GLT1D1: variants seen among roughly 807,000 people sequenced by gnomAD.
GLT1D1 encodes glycosyltransferase 1 domain containing 1.
In GLT1D1, 21 loss-of-function variants were observed where a neutral mutation model predicts 28.7. The ratio of observed to expected loss-of-function variants is 0.73; its 90% CI spans 0.52 to 1.05. The LOEUF (loss-of-function observed/expected upper bound fraction) is 1.05. GLT1D1 is among the 50% of genes least tolerant of loss of function. GLT1D1 has a pLI of 0.00. For synonymous variants in GLT1D1, 147 were observed against 124.8 expected (o/e 1.18, Z -1.19); for missense variants, 343 against 330.6 (o/e 1.04, Z -0.29).
intron 4 of GLT1D1, among the ~76,000 whole-genome samples, chr12:128,917,099 G>A (rs1872179404): frequency 6.6e-6 from 1 of 151,982 alleles, no homozygotes; most frequent in Non-Finnish European, 1.5e-5. Context: ...TATTGGAAAT[G>A]TTTTTCTTTG....
chr12:128,878,558 A>T (rs1353022851), intron 2 of GLT1D1, among the ~76,000 whole-genome samples: 1 of 152,078 alleles, frequency 6.6e-6, no homozygotes, highest in Non-Finnish European at 1.5e-5. Context: ...TTCTGAAAGT[A>T]TTATTTCTAG....
intron 1 of GLT1D1, among the ~76,000 whole-genome samples, chr12:128,854,726 CCCTCAGGTGATCCGCCTG>C (rs1956170636): frequency 6.6e-6 from 1 of 151,946 alleles, no homozygotes; most frequent in Non-Finnish European, 1.5e-5. Flanking sequence ...CGAACTCCTG[CCCTCAGGTGATCCGCCTG>C]CCTCGGCCTC....
intron 1 of GLT1D1, among the ~76,000 whole-genome samples, chr12:128,872,602 G>A (rs752692630): frequency 3.3e-5 from 5 of 152,138 alleles, no homozygotes; most frequent in African/African-American, 9.7e-5. Flanking sequence ...CCAGAGACAC[G>A]CTCAGCCATT....
intron 4 of GLT1D1, among the ~76,000 whole-genome samples, chr12:128,902,620 C>G (rs1870407913): frequency 6.6e-6 from 1 of 151,684 alleles, no homozygotes; most frequent in South Asian, 2.1e-4. Context: ...TTAAAATACT[C>G]TTTCTTTTCC....
intron 4 of GLT1D1, among the ~76,000 whole-genome samples, chr12:128,924,550 G>A (rs1025735589): frequency 4.0e-5 from 6 of 151,734 alleles, no homozygotes; most frequent in Non-Finnish European, 8.8e-5. Flanking sequence ...TCCGCCTCCC[G>A]GGTTCAAGTG....
At chr12:128,894,313 G>T (rs2135841679) in intron 3 of GLT1D1, among the ~76,000 whole-genome samples, 1 of 152,254 alleles carries the variant, frequency 6.6e-6, no homozygotes, top group East Asian at 1.9e-4. Flanking sequence ...CTCGGGGCAG[G>T]CACAGACAGG....
intron 4 of GLT1D1, among the ~76,000 whole-genome samples, chr12:128,942,083 T>G (rs987791022): frequency 6.6e-6 from 1 of 151,394 alleles, no homozygotes; most frequent in African/African-American, 2.4e-5. Flanking sequence ...ACATGTGTCT[T>G]CTTTTTTTTT....
intron 7 of GLT1D1, among the ~76,000 whole-genome samples, chr12:128,975,731 T>C (rs1879708415): frequency 6.6e-6 from 1 of 152,238 alleles, no homozygotes; most frequent in South Asian, 2.1e-4. Context: ...AGATTACATG[T>C]GTGAGCCACA....
chr12:128,908,210 G>A (rs141864466), intron 4 of GLT1D1, among the ~76,000 whole-genome samples: 227 of 152,218 alleles, frequency 1.5e-3, no homozygotes, highest in African/African-American at 5.3e-3. Context: ...CGCCTGGCCG[G>A]ATTGTGTTAA....
At chr12:128,874,076 CTTTCTTTCTTTCTT>C (rs1383610952) in intron 1 of GLT1D1, among the ~76,000 whole-genome samples, 1 of 8,934 alleles carries the variant, frequency 1.1e-4, no homozygotes, top group Non-Finnish European at 1.9e-4. Flanking sequence ...TTCTTTCTTT[CTTTCTTTCTTTCTT>C]TCTTTCTTTC....
chr12:128,870,276 C>T (rs1956648933), intron 1 of GLT1D1, among the ~76,000 whole-genome samples: 1 of 151,970 alleles, frequency 6.6e-6, no homozygotes, highest in Non-Finnish European at 1.5e-5. Flanking sequence ...AAAACAACAA[C>T]AACAAAAAAA....
intron 4 of GLT1D1, among the ~76,000 whole-genome samples, chr12:128,901,631 T>A (rs1870281391): frequency 6.6e-6 from 1 of 151,884 alleles, no homozygotes; most frequent in African/African-American, 2.4e-5. Context: ...GAAACGGGGT[T>A]TCACCATGTT....
intron 4 of GLT1D1, chr12:128,944,289 C>A: frequency 1.5e-6 from 1 of 650,354 alleles, no homozygotes; most frequent in South Asian, 1.4e-5. Context: ...CTGAAGCTTC[C>A]TGGCTTGTTT....
At chr12:128,903,150 C>T (rs986038955) in intron 4 of GLT1D1, among the ~76,000 whole-genome samples, 1 of 151,742 alleles carries the variant, frequency 6.6e-6, no homozygotes, top group African/African-American at 2.4e-5. Context: ...CCTTGACCCT[C>T]CAGAATTGGC....
chr12:128,895,157 C>G (rs760504629), intron 3 of GLT1D1, among the ~76,000 whole-genome samples: 41 of 150,998 alleles, frequency 2.7e-4, no homozygotes, highest in Non-Finnish European at 2.9e-4. Flanking sequence ...AGTCCTGGTT[C>G]CTTTATAATT....
At position 128,876,034 on chromosome 12, in the gene GLT1D1, T is replaced by C. The variant is rs1415790339; in HGVS notation, c.189T>C (p.His63=). 1 of 1,613,786 alleles carries C rather than the reference T, an allele frequency of 6.2e-7. No individual in the cohort carries two copies. The highest frequency in any genetic ancestry group is 2.2e-5 in the East Asian group (1 of 44,872). Reference sequence around the variant, plus strand: ...ACTGCGAGGCTGCCCTGGCTCTTCATCTCTATAGGGGAGGCAGGCTTTTGC... The same window carrying C: ...ACTGCGAGGCTGCCCTGGCTCTTCACCTCTATAGGGGAGGCAGGCTTTTGC... The change falls in exon 2 of 8, where the codon CAT becomes CAC. Residue 63 remains histidine (H), a synonymous_variant. Transcript: ENST00000281703.
chr12:128,983,151 C>G lies in GLT1D1; in HGVS notation c.*61C>G. On this transcript the variant is annotated 3_prime_UTR_variant, in exon 8 of 8. Transcript: ENST00000281703. This position sits in a 1 kb window ranked among gnomAD's most constrained non-coding sequence, Gnocchi z 4.7. ...ACAGCTCTGGGTGCACACTCAGAGA[C>G]AGAGTTCTGGATCACGTGGGCCCAG... is the stretch of plus-strand genomic sequence containing the variant. The G allele has an allele frequency of 6.7e-7, 1 of 1,485,304 alleles. No individual in the cohort carries two copies. Among genetic ancestry groups the G allele is most frequent in the Non-Finnish European group, 9.3e-7 (1 of 1,071,632 alleles). The allele number at this position is 1,485,304 out of a possible 1,614,324, so 92.0% of individuals were successfully genotyped here. A position where few individuals can be genotyped will look rare whatever the true frequency, so the allele number is the denominator to read the frequency against.
chr12:128,867,703 G>A (rs756672488), intron 1 of GLT1D1, among the ~76,000 whole-genome samples: 6 of 152,180 alleles, frequency 3.9e-5, no homozygotes, highest in Non-Finnish European at 8.8e-5. Context: ...CAGGGCTGGC[G>A]TTGTTCCAGA....
intron 2 of GLT1D1, among the ~76,000 whole-genome samples, chr12:128,879,377 T>TC (rs1491260607): frequency 0.041 from 4,066 of 97,996 alleles, 478 homozygotes; most frequent in African/African-American, 0.058. Context: ...TATTTTTTTC[T>TC]TTTTCTTTCT....
Sources: gnomAD v4.1 joint callset for allele counts (sites outside exome capture counted in the v4.1 genomes callset) on GRCh38, gnomAD v4.1.1 for gene constraint, Gnocchi (gnomAD v3.1) non-coding constraint, MANE v1.5 for transcripts, NCBI Gene and HGNC (gene_info 2026-07-23, HGNC 2026-07-21) for gene names.